SLC28A1: variants seen among roughly 807,000 people sequenced by gnomAD.
SLC28A1 encodes the protein sodium/nucleoside cotransporter 1.
In SLC28A1, 64 loss-of-function variants were observed where a neutral mutation model predicts 74.8. The observed-to-expected ratio is 0.86, with a 90% CI of 0.70 to 1.05. The LOEUF (loss-of-function observed/expected upper bound fraction) is 1.05. Among genes scored for constraint, SLC28A1 ranks in the 50% least tolerant of loss-of-function variants. The probability of loss-of-function intolerance (pLI) is 0.00; values close to 1 mark genes in which losing one functional copy is unlikely to be tolerated. For missense variants in SLC28A1, 828 were observed against 822.8 expected, an observed-to-expected ratio of 1.01 and a Z score of -0.08; for synonymous variants, 359 against 335.0, an observed-to-expected ratio of 1.07 and a Z score of -0.78.
intron 6 of SLC28A1, among the ~76,000 whole-genome samples, chr15:84,900,084 AG>A (rs1342058036): frequency 6.6e-6 from 1 of 152,100 alleles, no homozygotes; most frequent in Non-Finnish European, 1.5e-5. Flanking sequence ...TGGGAGGCCG[AG>A]TTGGACAGAT....
chr15:84,958,224 G>C, the SLC28A1 span, among the ~76,000 whole-genome samples: 12 of 152,108 alleles, frequency 7.9e-5, no homozygotes, highest in African/African-American at 2.9e-4. Context: ...TCCTATATCT[G>C]ATTCCCTCTT....
At chr15:84,887,386 G>A in intron 2 of SLC28A1, 1 of 985,400 alleles carries the variant, frequency 1.0e-6, no homozygotes, top group Non-Finnish European at 1.2e-6. Context: ...CCTCTTACAG[G>A]TTCAGATGTG....
At chr15:84,900,879 G>A (rs575146063) in intron 6 of SLC28A1, among the ~76,000 whole-genome samples, 1 of 35,462 alleles carries the variant, frequency 2.8e-5, no homozygotes, top group South Asian at 3.8e-3. Flanking sequence ...GGCAAGGAAG[G>A]AAGGAAGGAA....
At chr15:84,924,804 CA>C (rs1352477557) in intron 12 of SLC28A1, among the ~76,000 whole-genome samples, 3 of 152,162 alleles carry the variant, frequency 2.0e-5, no homozygotes, top group Admixed American at 2.0e-4. Context: ...CCTTAATGAT[CA>C]AAGAAATTCT....
chr15:84,944,554 G>T lies in SLC28A1; in HGVS notation c.1664-12G>T. 32 of 1,602,020 alleles carry T rather than the reference G, an allele frequency of 2.0e-5. No individual in the cohort carries two copies. The highest frequency in any genetic ancestry group is 2.5e-5 in the Non-Finnish European group (29 of 1,169,332). On this transcript the variant is annotated splice_polypyrimidine_tract_variant and intron_variant, in intron 16 of 18. Coordinates refer to ENST00000394573, the MANE Select transcript of SLC28A1 (RefSeq NM_004213.5). ...AGCTTCCCAGGCCCTGAGCACTTCT[G>T]TCCCCTTGCAGCCTCCATGGTCCCC...
rs994779234 is a variant in SLC28A1, at chr15:84,888,308, C to T, written c.96+452C>T. ...TCGGAGCCTGGTAGGATACCCTGCA[C>T]GCTCCCAGGCTCCTCTGACAAAGCC... On this transcript the variant is annotated intron_variant, in intron 3 of 18. Coordinates refer to ENST00000394573, the MANE Select transcript of SLC28A1 (RefSeq NM_004213.5). Among the ~76,000 whole-genome samples, 16 of 152,218 alleles carry T rather than the reference C, an allele frequency of 1.1e-4. No individual in the cohort carries two copies. In the East Asian group the frequency reaches 1.7e-3, roughly 17 times the overall value.
In SLC28A1 at chr15:84,943,511, A is replaced by G; in HGVS notation, c.1648A>G (p.Met550Val). 1 of 1,613,898 alleles carries G rather than the reference A, an allele frequency of 6.2e-7. No homozygotes were observed. ...GFANFSSIGI[M>V]LGGLTSMVPQ... ...TGCCAATTTCAGCTCCATTGGGATC[A>G]TGCTGGGAGGCTTGAGTGAGTCTAA... Residue 550 changes from methionine to valine, a missense_variant, in exon 16 of 19, where the codon ATG becomes GTG. Physicochemically the swap from Met to Val is conservative, Grantham distance 21 (BLOSUM62 1). Around this residue, in one of 3 missense-constraint regions of SLC28A1, gnomAD observed 767 missense variants for 753.5 expected, o/e 1.02. Coordinates refer to ENST00000394573, the MANE Select transcript of SLC28A1 (RefSeq NM_004213.5).
intron 6 of SLC28A1, among the ~76,000 whole-genome samples, chr15:84,899,336 AG>A (rs1271215659): frequency 6.6e-6 from 1 of 152,154 alleles, no homozygotes; most frequent in Admixed American, 6.5e-5. Context: ...GAGGAGAAGG[AG>A]GGCAGAAAAA....
intron 6 of SLC28A1, 29 bp downstream of exon 6, chr15:84,895,152 G>A (rs1175989926): frequency 1.9e-6 from 3 of 1,612,080 alleles, no homozygotes; most frequent in African/African-American, 2.7e-5. Flanking sequence ...CCGAGGCAGG[G>A]CAGGGGAGGG....
the SLC28A1 span, among the ~76,000 whole-genome samples, chr15:84,954,156 G>A: frequency 2.6e-5 from 4 of 152,158 alleles, no homozygotes; most frequent in Non-Finnish European, 5.9e-5. Flanking sequence ...TGTCAGGGAC[G>A]TGTGCCCTCC....
intron 6 of SLC28A1, chr15:84,895,499 G>T: frequency 1.9e-6 from 3 of 1,591,608 alleles, no homozygotes; most frequent in Non-Finnish European, 1.7e-6. Context: ...CTCGATCGGG[G>T]TCCAGGTGCT....
Position 84,906,779 on chromosome 15 carries a change from A to G in SLC28A1, c.717+1127A>G, listed in dbSNP as rs529366139. ...TCTGTTTTTTATTTTGGTAAAATAT[A>G]CATAACATAAAATCAACCATTTTAA... On this transcript the variant is annotated intron_variant, in intron 8 of 18. Transcript: ENST00000394573. 3.3e-5 allele frequency among the ~76,000 whole-genome samples: 5 copies of G among 152,064 alleles called. No homozygotes were observed. The East Asian group carries it at 9.7e-4, about 29-fold the overall frequency.
the SLC28A1 span, chr15:84,975,481 C>T: frequency 1.0e-3 from 463 of 456,232 alleles, 1 homozygote; most frequent in African/African-American, 8.5e-3. Flanking sequence ...AGTTATGTTC[C>T]AGTAACGTGT....
chr15:84,921,329 A>G (rs1275070127), intron 11 of SLC28A1, among the ~76,000 whole-genome samples: 1 of 152,220 alleles, frequency 6.6e-6, no homozygotes, highest in Non-Finnish European at 1.5e-5. Context: ...CAAATCCTCC[A>G]GATGGATCCA....
the SLC28A1 span, among the ~76,000 whole-genome samples, chr15:84,970,018 C>T: frequency 1.4e-4 from 21 of 152,328 alleles, no homozygotes; most frequent in Admixed American, 4.6e-4. Context: ...GCTTAAACAA[C>T]AAAGATGTAT....
chr15:84,957,211 C>T, the SLC28A1 span, among the ~76,000 whole-genome samples: 3 of 152,180 alleles, frequency 2.0e-5, no homozygotes, highest in South Asian at 4.2e-4. Flanking sequence ...TGTCATCACC[C>T]GAGAAGTCAT....
the SLC28A1 span, among the ~76,000 whole-genome samples, chr15:84,955,192 C>T: frequency 6.6e-6 from 1 of 152,162 alleles, no homozygotes; most frequent in Non-Finnish European, 1.5e-5. Context: ...CACAGCCATT[C>T]GAATCTTCCC....
In SLC28A1 at chr15:84,931,678, T is replaced by A. The variant is rs1212231223; in HGVS notation, c.1084-1467T>A. ...AAAAAAAAAAAAAAAAAAAAAAAAA[T>A]GAAAGAAAAGAAAGATACCAAAATG... On this transcript the variant is annotated intron_variant, in intron 12 of 18. Coordinates refer to ENST00000394573, the MANE Select transcript of SLC28A1 (RefSeq NM_004213.5). Among the ~76,000 whole-genome samples the A allele has an allele frequency of 3.4e-3, 234 of 69,250 alleles. 1 individual carries two copies. Among genetic ancestry groups the A allele is most frequent in the East Asian group, 8.5e-3 (19 of 2,224 alleles). The allele number at this position is 69,250 out of a possible 152,430, so 45.4% of individuals were successfully genotyped here. A position where few individuals can be genotyped will look rare whatever the true frequency, so the allele number is the denominator to read the frequency against.
At chr15:84,969,798 A>G in the SLC28A1 span, among the ~76,000 whole-genome samples, 1 of 152,190 alleles carries the variant, frequency 6.6e-6, no homozygotes, top group African/African-American at 2.4e-5. Flanking sequence ...GAGAGAATGC[A>G]GGATCCCAGG....
Sources: allele counts gnomAD v4.1 joint callset (sites outside exome capture counted in the v4.1 genomes callset), GRCh38; gene constraint gnomAD v4.1.1; regional missense constraint gnomAD v4.1.1; transcripts MANE v1.5; gene names NCBI Gene and HGNC (gene_info 2026-07-23, HGNC 2026-07-21).